AGMAT: variants seen among roughly 807,000 people sequenced by gnomAD.
AGMAT encodes guanidino acid hydrolase, mitochondrial.
A neutral mutation model predicts 29.3 loss-of-function variants in AGMAT; 37 were observed. That is an observed-to-expected ratio of 1.26 (90% CI 0.97 to 1.66). The LOEUF (loss-of-function observed/expected upper bound fraction) is 1.66, where lower values mean the gene tolerates loss of function less well. Among genes scored for constraint, AGMAT ranks in the 40% most tolerant of loss-of-function variants. The probability of loss-of-function intolerance (pLI) is 0.00; values close to 1 mark genes in which losing one functional copy is unlikely to be tolerated. For synonymous variants in AGMAT, 199 were observed against 200.8 expected (o/e 0.99, Z 0.08); for missense variants, 498 against 497.8 (o/e 1.00, Z 0.00).
chr1:15,579,080 G>A lies in AGMAT; in HGVS notation c.525-26C>T, dbSNP rs756608944. The A allele has an allele frequency of 1.0e-5, 16 of 1,606,510 alleles. No individual in the cohort carries two copies. The South Asian group carries it at 1.8e-4, about 18-fold the overall frequency. On this transcript the variant is annotated intron_variant, in intron 3 of 6. Coordinates refer to ENST00000375826, the MANE Select transcript of AGMAT (RefSeq NM_024758.5). ...CTGATGACAACAGGGCAGCTCAGAG[G>A]CCAACCCTCCCTGTGGGGCCCTAGC...
intron 6 of AGMAT, among the ~76,000 whole-genome samples, chr1:15,574,498 C>T (rs1405790151): frequency 1.3e-5 from 2 of 151,876 alleles, no homozygotes; most frequent in African/African-American, 2.4e-5. Context: ...CCTGCCTTAG[C>T]CTCCTGAGTA....
At position 15,584,810 on chromosome 1, in the gene AGMAT, G is replaced by A. The variant is rs780520954; in HGVS notation, c.158C>T (p.Pro53Leu). ...GCGCATCATGGAGCAGACGCCCACC[G>A]GCCGGGCCACGAACTCGGGGCTGGG... is the stretch of plus-strand genomic sequence containing the variant. ...QPPSPEFVAR[P>L]VGVCSMMRLP... Residue 53 changes from proline (P) to leucine (L), a missense_variant, in exon 1 of 7, where the codon CCG becomes CTG. By Grantham distance (98) the Pro-to-Leu change is moderately conservative. Transcript: ENST00000375826. The A allele has an allele frequency of 1.1e-4, 148 of 1,403,312 alleles. No homozygotes were observed. Among genetic ancestry groups the A allele is most frequent in the Non-Finnish European group, 1.3e-4 (145 of 1,081,580 alleles). The allele number at this position is 1,403,312 out of a possible 1,614,324, so 86.9% of individuals were successfully genotyped here.
chr1:15,580,673 A>G (rs1639101387), intron 2 of AGMAT, among the ~76,000 whole-genome samples: 1 of 150,028 alleles, frequency 6.7e-6, no homozygotes, highest in Non-Finnish European at 1.5e-5. Context: ...GTAAGACACT[A>G]TCTCAAAAAA....
chr1:15,582,920 C>T (rs1470213142), intron 2 of AGMAT, among the ~76,000 whole-genome samples: 1 of 152,182 alleles, frequency 6.6e-6, no homozygotes, highest in African/African-American at 2.4e-5. Context: ...ATTGCTTGAA[C>T]CCAGGAAGTG....
At chr1:15,582,814 A>G (rs1479282279) in intron 2 of AGMAT, among the ~76,000 whole-genome samples, 1 of 152,204 alleles carries the variant, frequency 6.6e-6, no homozygotes, top group Non-Finnish European at 1.5e-5. Flanking sequence ...CCTGGCCAAC[A>G]TGGCAAAACC....
rs59203066 is a variant in AGMAT, at chr1:15,576,740, C to CTTTTTTTTTTT, written c.900+934_900+944dup. Reference sequence around the variant, plus strand: ...ACGACACCTGGCCAAGTTTAGTGTTCTTTTTTTTTTTTTTTTTTTTTTTTT... The same window carrying CTTTTTTTTTTT: ...ACGACACCTGGCCAAGTTTAGTGTTCTTTTTTTTTTTTTTTTTTTTTTTTTTTTTTTTTTTT... On this transcript the variant is annotated intron_variant, in intron 5 of 6. Transcript: ENST00000375826. 4.4e-3 allele frequency among the ~76,000 whole-genome samples: 156 copies of CTTTTTTTTTTT among 35,798 alleles called. 38 individuals carry two copies. Among genetic ancestry groups the CTTTTTTTTTTT allele is most frequent in the East Asian group, 9.7e-3 (5 of 514 alleles). The allele number at this position is 35,798 out of a possible 152,430, so 23.5% of individuals were successfully genotyped here.
At position 15,585,008 on chromosome 1, in the gene AGMAT, G is replaced by A; in HGVS notation, c.-41C>T. On this transcript the variant is annotated 5_prime_UTR_variant, in exon 1 of 7. Transcript: ENST00000375826. ...AGACCTCACCGACCAAACCGCCCGC[G>A]AGGCCGCCGCGATCTGGCTGGTCCC... The A allele has an allele frequency of 7.8e-7, 1 of 1,279,926 alleles. No homozygotes were observed. Among genetic ancestry groups the A allele is most frequent in the Non-Finnish European group, 9.8e-7 (1 of 1,016,608 alleles). The allele number at this position is 1,279,926 out of a possible 1,614,324, so 79.3% of individuals were successfully genotyped here. A position where few individuals can be genotyped will look rare whatever the true frequency, so the allele number is the denominator to read the frequency against.
chr1:15,582,138 G>A (rs1181156529), intron 2 of AGMAT, among the ~76,000 whole-genome samples: 3 of 144,930 alleles, frequency 2.1e-5, no homozygotes, highest in African/African-American at 5.3e-5. Flanking sequence ...GCATGCTGGC[G>A]GGCGCCTATA....
In AGMAT at chr1:15,572,185, AGTTTTGTTTTGTTTTCTGGGGTTTTTTT is replaced by A. The variant is rs1247762164; in HGVS notation, c.*1438_*1465del. Reference sequence around the variant, plus strand: ...AAAAAAAGCCCAGCTGACATTTTCCAGTTTTGTTTTGTTTTCTGGGGTTTTTTTGTTTTGTTTTGTTTTGTTTTGTTTT... The same window carrying A: ...AAAAAAAGCCCAGCTGACATTTTCCAGTTTTGTTTTGTTTTGTTTTGTTTT... On this transcript the variant is annotated 3_prime_UTR_variant, in exon 7 of 7. Transcript: ENST00000375826. Among the ~76,000 whole-genome samples the A allele has an allele frequency of 4.5e-4, 63 of 139,378 alleles. No homozygotes were observed. Among genetic ancestry groups the A allele is most frequent in the Non-Finnish European group, 8.6e-4 (56 of 65,082 alleles). The allele number at this position is 139,378 out of a possible 152,430, so 91.4% of individuals were successfully genotyped here. A position where few individuals can be genotyped will look rare whatever the true frequency, so the allele number is the denominator to read the frequency against.
intron 1 of AGMAT, 72 bp downstream of exon 1, chr1:15,584,624 G>A (rs1570945174): frequency 1.6e-6 from 2 of 1,243,218 alleles, no homozygotes; most frequent in East Asian, 3.1e-5. Flanking sequence ...CGCCTGTCTC[G>A]GTGCTTTCCA....
intron 1 of AGMAT, among the ~76,000 whole-genome samples, chr1:15,584,016 T>A (rs1639149709): frequency 6.6e-6 from 1 of 152,192 alleles, no homozygotes; most frequent in Non-Finnish European, 1.5e-5. Context: ...GGGCAGCCAG[T>A]TTCTGCTCTC....
intron 3 of AGMAT, among the ~76,000 whole-genome samples, chr1:15,579,325 GAATC>G (rs1639082296): frequency 6.6e-6 from 1 of 152,142 alleles, no homozygotes; most frequent in Non-Finnish European, 1.5e-5. Flanking sequence ...GACAGGATGA[GAATC>G]AAGGGTGGTG....
chr1:15,584,397 G>A (rs1356363685), intron 1 of AGMAT, among the ~76,000 whole-genome samples: 1 of 151,536 alleles, frequency 6.6e-6, no homozygotes, highest in East Asian at 2.0e-4. Context: ...TGATCCGCCC[G>A]CCTCAGCCTC....
chr1:15,573,706 G>C lies in AGMAT; in HGVS notation c.1004C>G (p.Ala335Gly). 4 of 1,614,108 alleles carry C rather than the reference G, an allele frequency of 2.5e-6. No individual in the cohort carries two copies. The highest frequency in any genetic ancestry group is 3.4e-6 in the Non-Finnish European group (4 of 1,179,988). Reference protein sequence around the residue: ...YDLSGNTALLAANLLFEMLCA... With the variant: ...YDLSGNTALLGANLLFEMLCA... ...TAGCATCTCAAACAGCAGGTTAGCC[G>C]CCAGCAGGGCTGTGTTCCCTAAGAA... The change falls in exon 7 of 7, where the codon GCG becomes GGG. Residue 335 changes from alanine to glycine, a missense_variant. Transcript: ENST00000375826.
At chr1:15,583,529 G>A (rs1045386985) in intron 1 of AGMAT, 134 bp from the exon 2 acceptor site, 24 of 852,640 alleles carry the variant, frequency 2.8e-5, no homozygotes, top group Non-Finnish European at 4.0e-5. Flanking sequence ...GGAATGCTTA[G>A]CAGCATCCCG....
At chr1:15,577,655 C>G (rs769066289) in intron 5 of AGMAT, 30 bp downstream of exon 5, 23 of 1,589,328 alleles carry the variant, frequency 1.4e-5, no homozygotes, top group Non-Finnish European at 2.0e-5. Context: ...GTCTCCACCC[C>G]CAGGATCTTC....
At chr1:15,577,562 G>A in intron 5 of AGMAT, 123 bp downstream of exon 5, 1 of 1,078,934 alleles carries the variant, frequency 9.3e-7, no homozygotes, top group African/African-American at 1.6e-5. Flanking sequence ...GACAGAGTGA[G>A]ACTCCGTCTC....
intron 2 of AGMAT, 109 bp downstream of exon 2, chr1:15,583,084 C>T (rs1027751077): frequency 4.2e-6 from 4 of 958,182 alleles, no homozygotes; most frequent in Admixed American, 4.4e-5. Context: ...ACTGTCTGCA[C>T]ATTTGCAGTG....
At chr1:15,582,140 G>A (rs1639124067) in intron 2 of AGMAT, among the ~76,000 whole-genome samples, 2 of 144,412 alleles carry the variant, frequency 1.4e-5, no homozygotes, top group Admixed American at 1.4e-4. Flanking sequence ...ATGCTGGCGG[G>A]CGCCTATAAT....
Sources: allele counts gnomAD v4.1 joint callset (sites outside exome capture counted in the v4.1 genomes callset), GRCh38; gene constraint gnomAD v4.1.1; transcripts MANE v1.5; gene names NCBI Gene and HGNC (gene_info 2026-07-23, HGNC 2026-07-21).